Variants in GABRB1 observed in about 807,000 individuals in gnomAD.
GABRB1 encodes gamma-aminobutyric acid type A receptor subunit beta1, also known as gamma-aminobutyric acid receptor subunit beta-1.
GABRB1 carries 17 observed loss-of-function variants against 51.6 expected under a neutral mutation model. That is an observed-to-expected ratio of 0.33 (90% CI 0.23 to 0.49). GABRB1 has a LOEUF of 0.49. Ranked by LOEUF, GABRB1 falls within the 20% of genes least tolerant of loss-of-function variation. The probability of loss-of-function intolerance (pLI) is 0.99; values close to 1 mark genes in which losing one functional copy is unlikely to be tolerated. For synonymous variants in GABRB1, 247 were observed against 218.9 expected (o/e 1.13, Z -1.14); for missense variants, 410 against 600.6 (o/e 0.68, Z 3.32).
intron 3 of GABRB1, among the ~76,000 whole-genome samples, chr4:47,106,172 T>C (rs1714962340): frequency 1.3e-5 from 2 of 152,216 alleles, no homozygotes; most frequent in Non-Finnish European, 1.5e-5. Flanking sequence ...ATTTGATCCA[T>C]ACAGCAACAT....
chr4:47,041,221 C>T (rs1486563738), intron 3 of GABRB1, among the ~76,000 whole-genome samples: 6 of 152,122 alleles, frequency 3.9e-5, no homozygotes, highest in Non-Finnish European at 8.8e-5. Flanking sequence ...AAGTGACTCT[C>T]AGGACCTTTG....
chr4:47,375,168 A>G (rs67296164), intron 5 of GABRB1, among the ~76,000 whole-genome samples: 37,990 of 152,182 alleles, frequency 0.25, 5,127 homozygotes, highest in Middle Eastern at 0.37. Context: ...AACAAAGTTT[A>G]AAAATTACTG....
At chr4:47,231,472 G>A (rs992218358) in intron 4 of GABRB1, among the ~76,000 whole-genome samples, 34 of 152,208 alleles carry the variant, frequency 2.2e-4, no homozygotes, top group African/African-American at 6.3e-4. Context: ...AAATGTTCTG[G>A]TTCTATAGAG....
chr4:47,123,405 C>A (rs1488611665), intron 3 of GABRB1, among the ~76,000 whole-genome samples: 1 of 104,744 alleles, frequency 9.5e-6, no homozygotes, highest in Non-Finnish European at 1.8e-5. Flanking sequence ...TACATATATA[C>A]ATATATACAC....
At chr4:47,110,492 AAT>A (rs1443393654) in intron 3 of GABRB1, among the ~76,000 whole-genome samples, 4 of 152,182 alleles carry the variant, frequency 2.6e-5, no homozygotes, top group African/African-American at 7.2e-5. Flanking sequence ...TTATCCAAAA[AAT>A]ATGTTTGTCA....
chr4:47,047,216 A>G (rs1030906420), intron 3 of GABRB1, among the ~76,000 whole-genome samples: 1 of 152,164 alleles, frequency 6.6e-6, no homozygotes, highest in Non-Finnish European at 1.5e-5. Context: ...TGTAGCAGTA[A>G]GATTACCAAG....
At chr4:47,026,747 C>T (rs1164406088), upstream of GABRB1, among the ~76,000 whole-genome samples, 1 of 152,000 alleles carries the variant, frequency 6.6e-6, no homozygotes, top group South Asian at 2.1e-4. Context: ...ATATAAATCA[C>T]TAATAACATA....
intron 3 of GABRB1, among the ~76,000 whole-genome samples, chr4:47,087,427 G>A (rs947067337): frequency 2.6e-4 from 40 of 152,182 alleles, no homozygotes; most frequent in Middle Eastern, 3.4e-3. Flanking sequence ...AGCCCTGGGC[G>A]CTTGCTGCCG....
intron 4 of GABRB1, among the ~76,000 whole-genome samples, chr4:47,203,468 T>TTA (rs1719975119): frequency 6.6e-6 from 1 of 152,136 alleles, no homozygotes; most frequent in African/African-American, 2.4e-5. Flanking sequence ...ACTTCTTTGC[T>TTA]GAATACCCGG....
intron 4 of GABRB1, among the ~76,000 whole-genome samples, chr4:47,301,776 T>C (rs985793220): frequency 2.3e-4 from 35 of 152,284 alleles, no homozygotes; most frequent in African/African-American, 8.4e-4. Context: ...TGAAAAGCAC[T>C]TACAAATATA....
intron 5 of GABRB1, 51 bp from the exon 6 acceptor site, chr4:47,403,267 C>A: frequency 1.9e-6 from 3 of 1,598,870 alleles, no homozygotes. Context: ...AGATGGTATT[C>A]AAAATGATTT....
intron 1 of GABRB1, among the ~76,000 whole-genome samples, chr4:46,994,992 G>A (rs922448482): frequency 1.3e-5 from 2 of 152,126 alleles, no homozygotes; most frequent in African/African-American, 2.4e-5. Context: ...CTAGAGCTCC[G>A]TGCTCTGTAT....
intron 4 of GABRB1, among the ~76,000 whole-genome samples, chr4:47,192,022 G>A (rs889915362): frequency 2.0e-5 from 3 of 151,794 alleles, no homozygotes; most frequent in Admixed American, 1.3e-4. Flanking sequence ...AAATAGACTC[G>A]TACAATTACC....
chr4:47,155,826 C>A (rs1265026318), intron 3 of GABRB1, among the ~76,000 whole-genome samples: 1 of 148,366 alleles, frequency 6.7e-6, no homozygotes, highest in African/African-American at 2.5e-5. Context: ...ATTAAAATCT[C>A]CAGATAAGCA....
chr4:47,155,200 C>T (rs548219567), intron 3 of GABRB1, among the ~76,000 whole-genome samples: 2 of 152,106 alleles, frequency 1.3e-5, no homozygotes, highest in Admixed American at 1.3e-4. Context: ...AGAAGAACTG[C>T]GGAAATCATA....
At chr4:47,140,646 C>CT (rs1355195576) in intron 3 of GABRB1, among the ~76,000 whole-genome samples, 1 of 151,832 alleles carries the variant, frequency 6.6e-6, no homozygotes, top group Non-Finnish European at 1.5e-5. Context: ...TTTCCTACTA[C>CT]TTTTTTTCCT....
chr4:47,390,210 G>A (rs1727936311), intron 5 of GABRB1, among the ~76,000 whole-genome samples: 1 of 152,226 alleles, frequency 6.6e-6, no homozygotes, highest in Non-Finnish European at 1.5e-5. Context: ...GACCTGGATT[G>A]TTGCCTAACC....
At chr4:47,385,457 C>T (rs137922702) in intron 5 of GABRB1, among the ~76,000 whole-genome samples, 273 of 152,198 alleles carry the variant, frequency 1.8e-3, no homozygotes, top group Non-Finnish European at 2.9e-3. Context: ...CATGTATAGA[C>T]GATGCAACAG....
intron 3 of GABRB1, among the ~76,000 whole-genome samples, chr4:47,046,445 T>G (rs1473878301): frequency 6.6e-6 from 1 of 152,072 alleles, no homozygotes; most frequent in African/African-American, 2.4e-5. Flanking sequence ...TATTAAAAAT[T>G]ATAGGATTTA....
Sources: gnomAD v4.1 joint callset for allele counts (sites outside exome capture counted in the v4.1 genomes callset) on GRCh38, gnomAD v4.1.1 for gene constraint, MANE v1.5 for transcripts, NCBI Gene and HGNC (gene_info 2026-07-23, HGNC 2026-07-21) for gene names.